The following ADAMTS9 variants were observed in gnomAD, a reference collection of about 807,000 sequenced individuals.
ADAMTS9 encodes the protein ADAM metallopeptidase with thrombospondin type 1 motif 9, also known as A disintegrin and metalloproteinase with thrombospondin motifs 9.
ADAMTS9 carries 107 observed loss-of-function variants against 257.1 expected under a neutral mutation model. The observed-to-expected ratio is 0.42, with a 90% CI of 0.36 to 0.49. ADAMTS9 has a LOEUF of 0.49. Among genes scored for constraint, ADAMTS9 ranks in the 20% least tolerant of loss-of-function variants. ADAMTS9 has a pLI of 0.03. For synonymous variants in ADAMTS9, 982 were observed against 880.9 expected (o/e 1.11, Z -2.03); for missense variants, 2,353 against 2,469.1 (o/e 0.95, Z 1.00).
In ADAMTS9 at chr3:64,681,329, A is replaced by C. The variant is rs1291537639; in HGVS notation, c.551T>G (p.Phe184Cys). 3 of 1,613,308 alleles carry C rather than the reference A, an allele frequency of 1.9e-6. No individual in the cohort carries two copies. The highest frequency in any genetic ancestry group is 2.5e-6 in the Non-Finnish European group (3 of 1,179,684). The change falls in exon 3 of 40, where the codon TTT (phenylalanine) becomes TGT (cysteine). Residue 184 changes from phenylalanine to cysteine, a missense_variant. Transcript: ENST00000498707. ...GTFRSHDGDY[F>C]IEPLQSMDEQ... Reference sequence around the variant, plus strand: ...ATCCATAGACTGTAGTGGTTCAATAAAATAATCCCCATCATGAGACCGGAA... The same window carrying C: ...ATCCATAGACTGTAGTGGTTCAATACAATAATCCCCATCATGAGACCGGAA...
chr3:64,546,825 C>A lies in ADAMTS9; in HGVS notation c.4997G>T (p.Ser1666Ile), dbSNP rs139158421. Residue 1666 changes from serine (S) to isoleucine (I), a missense_variant, in exon 32 of 40, where the codon AGT (serine) becomes ATT (isoleucine). By Grantham distance (142) the Ser-to-Ile change is moderately radical. Transcript: ENST00000498707. ...GTCCCTCAGGTAACAGGGGTGAACA[C>A]TGGGGGGCTGCGTGCCTGGGCAGTT... is the stretch of plus-strand genomic sequence containing the variant. ...TINCPGTQPP[S>I]VHPCYLRDCP... The A allele has an allele frequency of 3.3e-4, 532 of 1,614,084 alleles. No individual in the cohort carries two copies. Among genetic ancestry groups the A allele is most frequent in the Non-Finnish European group, 3.8e-4 (443 of 1,179,980 alleles).
At chr3:64,657,194 T>C (rs1402632827) in intron 4 of ADAMTS9, among the ~76,000 whole-genome samples, 1 of 152,204 alleles carries the variant, frequency 6.6e-6, no homozygotes, top group African/African-American at 2.4e-5. Context: ...AGTACGTGGC[T>C]AGCTCAAATT....
chr3:64,542,430 C>CTTTCTTTTTTTTT (rs56347750), intron 32 of ADAMTS9, among the ~76,000 whole-genome samples: 2 of 124,564 alleles, frequency 1.6e-5, no homozygotes, highest in African/African-American at 6.0e-5. Context: ...TTCTTTCTTT[C>CTTTCTTTTTTTTT]TTTTTTTTTT....
intron 38 of ADAMTS9, among the ~76,000 whole-genome samples, chr3:64,524,132 A>G (rs113475793): frequency 7.2e-5 from 11 of 152,254 alleles, no homozygotes; most frequent in Admixed American, 7.2e-4. Flanking sequence ...ATTACACACA[A>G]ATTTAAAGTG....
At chr3:64,637,667 T>C (rs1576146768) in intron 12 of ADAMTS9, among the ~76,000 whole-genome samples, 2 of 152,356 alleles carry the variant, frequency 1.3e-5, no homozygotes, top group African/African-American at 2.4e-5. Context: ...AGATTTAGGG[T>C]TGGCACAAGA....
At chr3:64,524,251 A>T (rs1052471451) in intron 38 of ADAMTS9, among the ~76,000 whole-genome samples, 1 of 152,230 alleles carries the variant, frequency 6.6e-6, no homozygotes, top group Non-Finnish European at 1.5e-5. Flanking sequence ...GCAATTGAGG[A>T]GCTTCAATCT....
At chr3:64,591,936 A>G (rs1387241511) in intron 28 of ADAMTS9, among the ~76,000 whole-genome samples, 1 of 152,190 alleles carries the variant, frequency 6.6e-6, no homozygotes, top group Non-Finnish European at 1.5e-5. Context: ...TTTCACCGTC[A>G]GTTACAATGA....
At chr3:64,630,945 C>T (rs900647498) in intron 16 of ADAMTS9, among the ~76,000 whole-genome samples, 7 of 152,092 alleles carry the variant, frequency 4.6e-5, no homozygotes, top group Non-Finnish European at 1.0e-4. Context: ...TATAGTATTG[C>T]TATTCTAGTA....
rs1341862965 is a variant in ADAMTS9, at chr3:64,633,513, C to T, written c.2134G>A (p.Gly712Ser). Residue 712 changes from glycine to serine, a missense_variant, in exon 14 of 40, where the codon GGC (glycine) becomes AGC (serine). Coordinates refer to ENST00000498707, the MANE Select transcript of ADAMTS9 (RefSeq NM_182920.2). The part of the protein sequence containing the change: ...RDRVIDGTPC[G>S]QDTNDICVQG... ...ACACAGATATCATTTGTGTCCTGGCCACAAGGAGTTCCATCTATCACTCTG... is the reference window on the plus strand; with the variant it reads ...ACACAGATATCATTTGTGTCCTGGCTACAAGGAGTTCCATCTATCACTCTG... 1.2e-6 allele frequency: 2 copies of T among 1,613,962 alleles called. No homozygotes were observed. Among genetic ancestry groups the T allele is most frequent in the East Asian group, 2.2e-5 (1 of 44,864 alleles).
At chr3:64,607,378 A>G (rs1287627196) in intron 22 of ADAMTS9, among the ~76,000 whole-genome samples, 2 of 152,190 alleles carry the variant, frequency 1.3e-5, no homozygotes, top group African/African-American at 2.4e-5. Context: ...TACATCTTTC[A>G]CACTACCTAG....
intron 26 of ADAMTS9, among the ~76,000 whole-genome samples, chr3:64,600,454 G>C (rs1008523896): frequency 6.6e-6 from 1 of 152,216 alleles, no homozygotes; most frequent in Non-Finnish European, 1.5e-5. Context: ...CTAATTGGGA[G>C]CTCTGCCCAA....
Position 64,633,299 on chromosome 3 carries a change from C to G in ADAMTS9, c.2175+173G>C, listed in dbSNP as rs188746973. Among the ~76,000 whole-genome samples, 70 of 152,184 alleles carry G rather than the reference C, an allele frequency of 4.6e-4. 1 individual carries two copies. The highest frequency in any genetic ancestry group is 1.7e-3 in the African/African-American group (70 of 41,526). ...ACGGCTCCCAAACTTTGGCACTACA[C>G]GCATCAGAAAAAAGTGATATTGATG... On this transcript the variant is annotated intron_variant, in intron 14 of 39. Coordinates refer to ENST00000498707, the MANE Select transcript of ADAMTS9 (RefSeq NM_182920.2).
At chr3:64,648,337 A>G (rs1003321568) in intron 10 of ADAMTS9, among the ~76,000 whole-genome samples, 1 of 152,112 alleles carries the variant, frequency 6.6e-6, no homozygotes, top group Non-Finnish European at 1.5e-5. Flanking sequence ...TCCTTTTCCT[A>G]CCAGAAGTGA....
chr3:64,522,489 T>C, intron 38 of ADAMTS9: 1 of 379,442 alleles, frequency 2.6e-6, no homozygotes, highest in Middle Eastern at 6.9e-4. Context: ...GGATGATTTT[T>C]ATATTTTTAA....
At chr3:64,524,753 C>T (rs1035367003) in intron 38 of ADAMTS9, among the ~76,000 whole-genome samples, 3 of 152,202 alleles carry the variant, frequency 2.0e-5, no homozygotes, top group African/African-American at 7.2e-5. Flanking sequence ...ACAAAGTATG[C>T]CAACTCCTAG....
intron 22 of ADAMTS9, among the ~76,000 whole-genome samples, chr3:64,611,075 CAAAAAAAAAA>C (rs34998404): frequency 1.4e-5 from 1 of 72,160 alleles, no homozygotes; most frequent in Non-Finnish European, 2.7e-5. Flanking sequence ...GACTCTGTCT[CAAAAAAAAAA>C]AAAAAAAAAA....
intron 6 of ADAMTS9, 117 bp from the exon 7 acceptor site, chr3:64,654,729 A>G: frequency 8.8e-7 from 1 of 1,140,100 alleles, no homozygotes; most frequent in Non-Finnish European, 1.3e-6. Context: ...TGGGGGTTAA[A>G]AAAAGCAAAT....
At chr3:64,558,273 C>T (rs759963948) in intron 30 of ADAMTS9, among the ~76,000 whole-genome samples, 1 of 152,110 alleles carries the variant, frequency 6.6e-6, no homozygotes, top group Non-Finnish European at 1.5e-5. Flanking sequence ...TTACTAAATG[C>T]ATGATCATTG....
At chr3:64,631,734 C>A in intron 15 of ADAMTS9, 74 bp downstream of exon 15, 1 of 1,360,448 alleles carries the variant, frequency 7.4e-7, no homozygotes, top group Non-Finnish European at 1.0e-6. Flanking sequence ...AATATTTTTG[C>A]ATATTACATG....
Sources: gnomAD v4.1 joint callset for allele counts (sites outside exome capture counted in the v4.1 genomes callset) on GRCh38, gnomAD v4.1.1 for gene constraint, MANE v1.5 for transcripts, NCBI Gene and HGNC (gene_info 2026-07-23, HGNC 2026-07-21) for gene names.